Variants in PTPRD observed in about 807,000 individuals in gnomAD.
The protein encoded by PTPRD is receptor-type tyrosine-protein phosphatase delta.
Under a neutral mutation model 214.5 loss-of-function variants are expected in PTPRD, and 34 were observed. The ratio of observed to expected loss-of-function variants is 0.16; its 90% CI spans 0.12 to 0.21. The LOEUF (loss-of-function observed/expected upper bound fraction) is 0.21, where lower values mean the gene tolerates loss of function less well. PTPRD is among the 10% of genes least tolerant of loss of function. The pLI, the probability that PTPRD is intolerant of heterozygous loss-of-function variation, is 1.00. For missense variants in PTPRD, 2,545 were observed against 2,398.7 expected (o/e 1.06, Z -1.27); for synonymous variants, 1,128 against 845.7 (o/e 1.33, Z -5.79).
intron 4 of PTPRD, among the ~76,000 whole-genome samples, chr9:10,018,252 A>G (rs4333668): frequency 0.44 from 66,015 of 151,518 alleles, 16,679 homozygotes; most frequent in Middle Eastern, 0.62. Context: ...AAAGGAAAAA[A>G]AAATCTTGGA....
intron 11 of PTPRD, among the ~76,000 whole-genome samples, chr9:9,011,818 T>G (rs1178141924): frequency 6.6e-6 from 1 of 152,206 alleles, no homozygotes; most frequent in African/African-American, 2.4e-5. Context: ...GTTCTTTTGA[T>G]GGTATCTGTT....
chr9:8,604,156 CAT>C (rs1705428470), intron 14 of PTPRD, among the ~76,000 whole-genome samples: 1 of 152,162 alleles, frequency 6.6e-6, no homozygotes, highest in Non-Finnish European at 1.5e-5. Context: ...AAAAACAAGA[CAT>C]AGTCTCTAAC....
intron 4 of PTPRD, among the ~76,000 whole-genome samples, chr9:10,008,537 A>G (rs528481037): frequency 1.3e-5 from 2 of 152,020 alleles, no homozygotes; most frequent in Non-Finnish European, 1.5e-5. Context: ...CTTAGCATGC[A>G]TATGTGTGCC....
intron 9 of PTPRD, among the ~76,000 whole-genome samples, chr9:9,219,983 T>A (rs955317765): frequency 6.6e-6 from 1 of 152,174 alleles, no homozygotes; most frequent in South Asian, 2.1e-4. Flanking sequence ...CACAGTGATA[T>A]ACAAACTCAT....
At chr9:10,608,980 G>C (rs2080225560) in intron 2 of PTPRD, among the ~76,000 whole-genome samples, 1 of 152,060 alleles carries the variant, frequency 6.6e-6, no homozygotes, top group Non-Finnish European at 1.5e-5. Flanking sequence ...TACATAAGAA[G>C]ATAAGTTCAA....
intron 8 of PTPRD, among the ~76,000 whole-genome samples, chr9:9,432,362 G>T (rs2083536069): frequency 6.6e-6 from 1 of 151,968 alleles, no homozygotes; most frequent in Admixed American, 6.6e-5. Flanking sequence ...AATGTACTTT[G>T]CATGCTTAGT....
chr9:8,580,696 G>A (rs1425675571), intron 14 of PTPRD, among the ~76,000 whole-genome samples: 1 of 152,124 alleles, frequency 6.6e-6, no homozygotes, highest in East Asian at 1.9e-4. Flanking sequence ...GCTAATTGGT[G>A]GTAGGACCAT....
intron 2 of PTPRD, among the ~76,000 whole-genome samples, chr9:10,568,426 T>C (rs1345327575): frequency 6.6e-6 from 1 of 152,042 alleles, no homozygotes; most frequent in African/African-American, 2.4e-5. Flanking sequence ...GCAATAAACA[T>C]ACGTGTGCAT....
intron 3 of PTPRD, among the ~76,000 whole-genome samples, chr9:10,275,015 T>C (rs1304586677): frequency 6.6e-6 from 1 of 152,116 alleles, no homozygotes; most frequent in African/African-American, 2.4e-5. Context: ...TCTGAGTTTA[T>C]GGTACAGTTA....
chr9:9,729,138 C>T lies in PTPRD; in HGVS notation c.-287+5395G>A, dbSNP rs141154085. On this transcript the variant is annotated intron_variant, in intron 7 of 45. Coordinates refer to ENST00000381196, the MANE Select transcript of PTPRD (RefSeq NM_002839.4). ...TTGAGTAGTTTGGGCGGGCTTTATG[C>T]TGCTGTAACAAACAAAACAAAAATA... is the stretch of plus-strand genomic sequence containing the variant. 4.3e-3 allele frequency among the ~76,000 whole-genome samples: 655 copies of T among 152,200 alleles called. 5 individuals are homozygous for T. The highest frequency in any genetic ancestry group is 0.015 in the African/African-American group (616 of 41,538).
intron 2 of PTPRD, among the ~76,000 whole-genome samples, chr9:10,574,832 A>ATATG (rs147563782): frequency 6.7e-6 from 1 of 148,644 alleles, no homozygotes; most frequent in African/African-American, 2.5e-5. Context: ...ATATATATAT[A>ATATG]TCTTAGATTC....
intron 12 of PTPRD, among the ~76,000 whole-genome samples, chr9:8,728,141 T>C (rs1450482173): frequency 6.6e-6 from 1 of 151,604 alleles, no homozygotes; most frequent in Non-Finnish European, 1.5e-5. Context: ...TCCCAGCTAC[T>C]AGAGAGGCTG....
chr9:9,588,199 G>A (rs1011536549), intron 7 of PTPRD, among the ~76,000 whole-genome samples: 2 of 151,730 alleles, frequency 1.3e-5, no homozygotes, highest in Non-Finnish European at 2.9e-5. Flanking sequence ...CATAGGCAGC[G>A]ATAAGGACTA....
intron 5 of PTPRD, among the ~76,000 whole-genome samples, chr9:9,767,551 G>A (rs1262289423): frequency 6.6e-6 from 1 of 151,890 alleles, no homozygotes; most frequent in Non-Finnish European, 1.5e-5. Context: ...CTACCTAAAG[G>A]CACAGATTAT....
chr9:8,994,655 G>T (rs977748783), intron 11 of PTPRD, among the ~76,000 whole-genome samples: 2 of 152,076 alleles, frequency 1.3e-5, no homozygotes, highest in African/African-American at 4.8e-5. Flanking sequence ...TTACAATTAC[G>T]GTTGGAGGGG....
intron 10 of PTPRD, among the ~76,000 whole-genome samples, chr9:9,026,510 C>G (rs774886594): frequency 2.0e-5 from 3 of 151,980 alleles, no homozygotes; most frequent in Non-Finnish European, 2.9e-5. Context: ...AAATGTGACA[C>G]AGCAAGGTAG....
At chr9:8,414,961 GAGA>G (rs2093816605) in intron 35 of PTPRD, among the ~76,000 whole-genome samples, 1 of 148,988 alleles carries the variant, frequency 6.7e-6, no homozygotes, top group Admixed American at 6.7e-5. Context: ...GAGAGAGAGA[GAGA>G]GAGAGAGAGA....
chr9:8,491,886 G>T (rs988798220), intron 27 of PTPRD, among the ~76,000 whole-genome samples: 3 of 152,252 alleles, frequency 2.0e-5, no homozygotes, highest in South Asian at 2.1e-4. Flanking sequence ...AGATATTTGA[G>T]AAGTGATTCG....
intron 43 of PTPRD, among the ~76,000 whole-genome samples, chr9:8,337,397 C>T (rs7873891): frequency 0.044 from 6,712 of 151,978 alleles, 504 homozygotes; most frequent in African/African-American, 0.15. Flanking sequence ...GGGAGTTGAA[C>T]AATGAGAACA....
Sources: allele counts gnomAD v4.1 joint callset (sites outside exome capture counted in the v4.1 genomes callset), GRCh38; gene constraint gnomAD v4.1.1; transcripts MANE v1.5; gene names NCBI Gene and HGNC (gene_info 2026-07-23, HGNC 2026-07-21).